Variants in PXDNL observed in about 807,000 individuals in gnomAD.
PXDNL encodes peroxidasin like.
A neutral mutation model predicts 150.8 loss-of-function variants in PXDNL; 145 were observed. The observed-to-expected ratio is 0.96, with a 90% CI of 0.84 to 1.10. The LOEUF (loss-of-function observed/expected upper bound fraction) is 1.10. Ranked by LOEUF, PXDNL falls within the 50% of genes least tolerant of loss-of-function variation. The probability of loss-of-function intolerance (pLI) is 0.00; values close to 1 mark genes in which losing one functional copy is unlikely to be tolerated. For missense variants in PXDNL, 2,087 were observed against 1,873.9 expected (o/e 1.11, Z -2.10); for synonymous variants, 757 against 725.7 (o/e 1.04, Z -0.69).
chr8:51,543,885 A>G (rs1236610483), intron 4 of PXDNL, among the ~76,000 whole-genome samples: 1 of 152,188 alleles, frequency 6.6e-6, no homozygotes, highest in Admixed American at 6.5e-5. Flanking sequence ...TGGCAAGGAT[A>G]ATCAATAAAA....
chr8:51,729,621 A>G (rs929912594), intron 1 of PXDNL, among the ~76,000 whole-genome samples: 6 of 152,234 alleles, frequency 3.9e-5, no homozygotes, highest in African/African-American at 1.4e-4. Context: ...CTCTTGCCAT[A>G]TAATCCAGCA....
chr8:51,447,844 T>G (rs1283052876), intron 11 of PXDNL, among the ~76,000 whole-genome samples: 6 of 152,204 alleles, frequency 3.9e-5, no homozygotes, highest in African/African-American at 1.4e-4. Flanking sequence ...TGCCATCAAC[T>G]ATTCTAAATG....
At chr8:51,339,862 T>C (rs1805939015) in intron 20 of PXDNL, 109 bp from the exon 21 acceptor site, 8 of 1,025,006 alleles carry the variant, frequency 7.8e-6, no homozygotes, top group Non-Finnish European at 1.1e-5. Context: ...GGCATTGTGA[T>C]TGGTGTTCTT....
At chr8:51,771,916 T>G (rs1283276325) in intron 1 of PXDNL, among the ~76,000 whole-genome samples, 1 of 151,824 alleles carries the variant, frequency 6.6e-6, no homozygotes, top group Non-Finnish European at 1.5e-5. Flanking sequence ...CACTGATATA[T>G]ATCTGCGAGG....
intron 17 of PXDNL, among the ~76,000 whole-genome samples, chr8:51,382,897 T>TA (rs1310592532): frequency 7.2e-5 from 11 of 152,212 alleles, no homozygotes; most frequent in African/African-American, 2.7e-4. Context: ...CTGGCTTTGT[T>TA]AATTTCAGTT....
chr8:51,688,955 A>G (rs1351695933), intron 1 of PXDNL, among the ~76,000 whole-genome samples: 1 of 152,210 alleles, frequency 6.6e-6, no homozygotes, highest in African/African-American at 2.4e-5. Context: ...ATTGCTGTAA[A>G]TGAGGAAGTT....
chr8:51,653,392 T>G (rs1482022906), intron 2 of PXDNL, among the ~76,000 whole-genome samples: 1 of 152,118 alleles, frequency 6.6e-6, no homozygotes, highest in Non-Finnish European at 1.5e-5. Context: ...CATTCCAGCC[T>G]GGGCGACAGA....
chr8:51,719,134 C>T (rs951632788), intron 1 of PXDNL, among the ~76,000 whole-genome samples: 24 of 152,164 alleles, frequency 1.6e-4, no homozygotes, highest in Non-Finnish European at 2.4e-4. Context: ...TCTGCCCTGC[C>T]GCCACCCGGT....
At chr8:51,673,575 G>A (rs974068811) in intron 1 of PXDNL, among the ~76,000 whole-genome samples, 1 of 152,174 alleles carries the variant, frequency 6.6e-6, no homozygotes, top group African/African-American at 2.4e-5. Flanking sequence ...ATGACCTTGA[G>A]AAGCAAGCAA....
At chr8:51,477,762 C>G (rs956093719) in intron 6 of PXDNL, among the ~76,000 whole-genome samples, 2 of 152,126 alleles carry the variant, frequency 1.3e-5, no homozygotes, top group African/African-American at 4.8e-5. Context: ...ATGCAATTGC[C>G]CCATCTTCCA....
intron 3 of PXDNL, among the ~76,000 whole-genome samples, chr8:51,577,763 G>C (rs964081218): frequency 1.3e-5 from 2 of 150,250 alleles, no homozygotes; most frequent in African/African-American, 4.9e-5. Context: ...AAAACCTACA[G>C]GTAATCTTAT....
In PXDNL at chr8:51,408,791, C is replaced by T. The variant is rs1808521215; in HGVS notation, c.2833G>A (p.Ala945Thr). The T allele has an allele frequency of 2.5e-6, 4 of 1,572,792 alleles. No homozygotes were observed. The South Asian group carries it at 4.8e-5, about 19-fold the overall frequency. Reference protein sequence around the residue: ...PFSTGPPTECARQEQESPCFL... With the variant: ...PFSTGPPTECTRQEQESPCFL... The stretch of plus-strand genomic sequence containing the variant: ...CAGGGGCTCTCCTGCTCCTGTCGCG[C>T]GCACTCGGTGGGTGGGCCTGTAGAA... Residue 945 changes from alanine (A) to threonine (T), a missense_variant, in exon 17 of 23, where the codon GCG becomes ACG. Ala to Thr is a moderately conservative substitution (Grantham distance 58, BLOSUM62 0). Transcript: ENST00000356297.
chr8:51,443,970 T>A (rs1175065043), intron 12 of PXDNL, among the ~76,000 whole-genome samples: 1 of 152,188 alleles, frequency 6.6e-6, no homozygotes, highest in African/African-American at 2.4e-5. Flanking sequence ...CATGTTGGTG[T>A]GCTGCACCCA....
At chr8:51,621,437 T>C (rs1814249033) in intron 2 of PXDNL, among the ~76,000 whole-genome samples, 1 of 134,774 alleles carries the variant, frequency 7.4e-6, no homozygotes, top group Non-Finnish European at 1.5e-5. Context: ...AAAGAATGAG[T>C]GTGTGTGTGT....
Position 51,426,635 on chromosome 8 carries a change from T to A in PXDNL, c.1638+11A>T, listed in dbSNP as rs760898677. 7.1e-7 allele frequency: 1 copy of A among 1,406,770 alleles called. No homozygotes were observed. The highest frequency in any genetic ancestry group is 1.0e-6 in the Non-Finnish European group (1 of 999,268). The allele number at this position is 1,406,770 out of a possible 1,614,324, so 87.1% of individuals were successfully genotyped here. On this transcript the variant is annotated intron_variant, in intron 13 of 22. Transcript: ENST00000356297. ...TTTTTAATATTACTGTACTTTTAGTTGAGATCTTACCTTATTCCAAGTAAT... is the reference window on the plus strand; with the variant it reads ...TTTTTAATATTACTGTACTTTTAGTAGAGATCTTACCTTATTCCAAGTAAT...
At chr8:51,378,112 TG>T (rs1299798795) in intron 17 of PXDNL, among the ~76,000 whole-genome samples, 1 of 152,164 alleles carries the variant, frequency 6.6e-6, no homozygotes, top group Non-Finnish European at 1.5e-5. Context: ...GCTAATCTGG[TG>T]GGGCGTTGGA....
At chr8:51,779,749 C>T (rs143869692) in intron 1 of PXDNL, among the ~76,000 whole-genome samples, 3 of 152,326 alleles carry the variant, frequency 2.0e-5, no homozygotes, top group African/African-American at 7.2e-5. Flanking sequence ...GTCTTCATCC[C>T]TTTTCAGCTG....
chr8:51,801,146 T>C (rs571385216), intron 1 of PXDNL, among the ~76,000 whole-genome samples: 7 of 152,122 alleles, frequency 4.6e-5, no homozygotes, highest in Non-Finnish European at 7.4e-5. Context: ...AGAATTGCAT[T>C]CCTGGGGGGA....
rs192949732 is a variant in PXDNL at position 51,766,102 on chromosome 8, T to A, written c.164+43079A>T. Among the ~76,000 whole-genome samples, 324 of 152,366 alleles carry A rather than the reference T, an allele frequency of 2.1e-3. 3 individuals carry two copies. The highest frequency in any genetic ancestry group is 0.019 in the Admixed American group (298 of 15,296). The stretch of plus-strand genomic sequence containing the variant: ...CACCTGCCTTGGCCTCCCAAAGTGC[T>A]GGGATGACAGGCGTGAGCCACCGAG... On this transcript the variant is annotated intron_variant, in intron 1 of 22. Transcript: ENST00000356297.
Sources: gnomAD v4.1 joint callset for allele counts (sites outside exome capture counted in the v4.1 genomes callset) on GRCh38, gnomAD v4.1.1 for gene constraint, MANE v1.5 for transcripts, NCBI Gene and HGNC (gene_info 2026-07-23, HGNC 2026-07-21) for gene names.